Variants in TICRR observed in about 807,000 individuals in gnomAD.
TICRR encodes the protein treslin.
TICRR carries 132 observed loss-of-function variants against 178.1 expected under a neutral mutation model. That is an observed-to-expected ratio of 0.74 (90% confidence interval 0.64 to 0.86). The LOEUF is 0.86. TICRR is among the 40% of genes least tolerant of loss of function. TICRR has a pLI of 0.00. For synonymous variants in TICRR, 991 were observed against 900.7 expected (o/e 1.10, Z -1.79); for missense variants, 2,587 against 2,334.3 (o/e 1.11, Z -2.23).
rs1293172135 is a variant in TICRR, at chr15:89,575,887, C to T, written c.301C>T (p.His101Tyr). ...PGPAPRATHT[H>Y]GALMETLLDY... is the part of the protein sequence containing the mutation. ...CCCGGCGCCCAGGGCCACCCACACG[C>T]ACGGCGCCCTGATGGAGACGCTGCT... Residue 101 changes from histidine (H) to tyrosine (Y), a missense_variant, in exon 1 of 22, where the codon CAC becomes TAC. Coordinates refer to ENST00000268138, the MANE Select transcript of TICRR (RefSeq NM_152259.4). The T allele has an allele frequency of 1.9e-5, 30 of 1,587,496 alleles. No homozygotes were observed. Among genetic ancestry groups the T allele is most frequent in the Non-Finnish European group, 2.6e-5 (30 of 1,169,390 alleles).
At chr15:89,601,027 C>T (rs550328796) in intron 9 of TICRR, among the ~76,000 whole-genome samples, 1 of 102,150 alleles carries the variant, frequency 9.8e-6, no homozygotes, top group Non-Finnish European at 1.8e-5. Context: ...GCCTGGGCAA[C>T]AGAGCAAGAC....
intron 15 of TICRR, among the ~76,000 whole-genome samples, chr15:89,612,160 A>G (rs1287574755): frequency 6.6e-6 from 1 of 151,892 alleles, no homozygotes; most frequent in Non-Finnish European, 1.5e-5. Context: ...GATCTCAGCT[A>G]TTCATTTGTG....
intron 1 of TICRR, among the ~76,000 whole-genome samples, chr15:89,578,531 A>T (rs1031944722): frequency 1.3e-5 from 2 of 152,216 alleles, no homozygotes; most frequent in Non-Finnish European, 2.9e-5. Flanking sequence ...GAAACAATTG[A>T]TATCACATCA....
At position 89,592,054 on chromosome 15, in the gene TICRR, T is replaced by G. The variant is rs1438372975; in HGVS notation, c.1419T>G (p.Pro473=). ...GCTCCTTTGCTCCAATAGCTTCTCC[T>G]GTTCCAGAGTGGGCCCAGCAGGAGC... The part of the protein sequence containing the change: ...SLADTASAAS[P]VPEWAQQELG... Residue 473 remains proline, a synonymous_variant, in exon 5 of 22, where the codon CCT becomes CCG. Coordinates refer to ENST00000268138, the MANE Select transcript of TICRR (RefSeq NM_152259.4). 5.0e-6 allele frequency: 8 copies of G among 1,609,336 alleles called. No individual in the cohort carries two copies. Among genetic ancestry groups the G allele is most frequent in the South Asian group, 3.3e-5 (3 of 90,806 alleles).
At chr15:89,620,106 T>C (rs975686153) in intron 18 of TICRR, among the ~76,000 whole-genome samples, 1 of 152,200 alleles carries the variant, frequency 6.6e-6, no homozygotes, top group Non-Finnish European at 1.5e-5. Context: ...TAATTTCCCA[T>C]AAGGACAGAA....
In TICRR at chr15:89,576,207, C is replaced by T. The variant is rs768593431; in HGVS notation, c.621C>T (p.Thr207=). ...AAGTCATGGTCGCCCGAAAAATCAC[C>T]TTCTACTGGGTGGATACCACCGAAT... ...VREVMVARKI[T]FYWVDTTEWS... is the part of the protein sequence containing the mutation. Residue 207 remains threonine (T), a synonymous_variant, in exon 1 of 22, where the codon ACC becomes ACT. Coordinates refer to ENST00000268138, the MANE Select transcript of TICRR (RefSeq NM_152259.4). The T allele has an allele frequency of 5.6e-6, 9 of 1,594,812 alleles. No homozygotes were observed. Among genetic ancestry groups the T allele is most frequent in the South Asian group, 4.4e-5 (4 of 90,230 alleles).
Position 89,627,143 on chromosome 15 carries a change from A to G in TICRR, c.*57A>G. ...GAGTCAGCCAGGACCCTGTGGACAT[A>G]AAGAAGTTGGATGCCTGGTCCCAAG... On this transcript the variant is annotated 3_prime_UTR_variant, in exon 22 of 22. Transcript: ENST00000268138. 3 of 1,603,414 alleles carry G rather than the reference A, an allele frequency of 1.9e-6. No homozygotes were observed. In the South Asian group the frequency reaches 3.3e-5, roughly 18 times the overall value.
chr15:89,604,645 C>G (rs923018582), intron 13 of TICRR, among the ~76,000 whole-genome samples: 2 of 151,922 alleles, frequency 1.3e-5, no homozygotes, highest in African/African-American at 4.8e-5. Context: ...GTGGTGCACT[C>G]CTGTAGTCCC....
chr15:89,626,034 C>T lies in TICRR; in HGVS notation c.5575C>T (p.Pro1859Ser), dbSNP rs140192244. The T allele has an allele frequency of 3.1e-6, 5 of 1,613,968 alleles. No individual in the cohort carries two copies. Among genetic ancestry groups the T allele is most frequent in the South Asian group, 1.1e-5 (1 of 91,068 alleles). ...QSPLLFQGKTPSSQSKDPRDE... is the reference protein window; with the variant it reads ...QSPLLFQGKTSSSQSKDPRDE... ...TCCGCTGCTGTTCCAGGGGAAAACA[C>T]CTTCCTCTCAGAGCAAAGACCCCAG... The change falls in exon 21 of 22, where the codon CCT (proline) becomes TCT (serine). Residue 1859 changes from proline (P) to serine (S), a missense_variant. Physicochemically the swap from Pro to Ser is moderately conservative, Grantham distance 74 (BLOSUM62 -1). Transcript: ENST00000268138.
intron 5 of TICRR, 81 bp from the exon 6 acceptor site, chr15:89,594,334 T>C (rs1728124753): frequency 7.9e-7 from 1 of 1,259,534 alleles, no homozygotes; most frequent in East Asian, 2.5e-5. Context: ...TTTTAGAGGA[T>C]AGTGGGTATT....
intron 1 of TICRR, among the ~76,000 whole-genome samples, chr15:89,576,821 G>GTATATATA (rs369518649): frequency 1.1e-4 from 10 of 92,434 alleles, no homozygotes; most frequent in South Asian, 6.8e-4. Flanking sequence ...ATGTGTGTGT[G>GTATATATA]TATATATATA....
At chr15:89,616,273 C>A in intron 15 of TICRR, 132 bp from the exon 16 acceptor site, 1 of 682,740 alleles carries the variant, frequency 1.5e-6, no homozygotes. Context: ...TAGAACTTAG[C>A]CCAAAGACCA....
At position 89,624,741 on chromosome 15, in the gene TICRR, C is replaced by T; in HGVS notation, c.4431C>T (p.Asp1477=). The T allele has an allele frequency of 1.2e-6, 2 of 1,614,170 alleles. No homozygotes were observed. Among genetic ancestry groups the T allele is most frequent in the East Asian group, 4.5e-5 (2 of 44,876 alleles). The change falls in exon 20 of 22, where the codon GAC becomes GAT. Residue 1477 remains aspartate, a synonymous_variant. Transcript: ENST00000268138. ...AAGCCGAACACCATGGCATTGGTGA[C>T]TTGAAAAGTAACGTCTTATCAGTGG... The part of the protein sequence containing the change: ...LSEAEHHGIG[D]LKSNVLSVEE...
chr15:89,622,620 A>T (rs773204024), intron 19 of TICRR, among the ~76,000 whole-genome samples: 1 of 152,172 alleles, frequency 6.6e-6, no homozygotes, highest in Non-Finnish European at 1.5e-5. Context: ...TGAAAACCAT[A>T]GATCTACACA....
In TICRR at chr15:89,594,426, C is replaced by A; in HGVS notation, c.1553C>A (p.Ala518Asp). 6.2e-7 allele frequency: 1 copy of A among 1,611,484 alleles called. No individual in the cohort carries two copies. Among genetic ancestry groups the A allele is most frequent in the East Asian group, 2.2e-5 (1 of 44,808 alleles). ...DLMESFGLLQ[A>D]ASANKEESSK... ...TCTTGACTTCACAGGTTACTACAGG[C>A]TGCCTCAGCTAATAAGGAAGAGTCT... The change falls in exon 6 of 22, where the codon GCT (alanine) becomes GAT (aspartate). Residue 518 changes from alanine (A) to aspartate (D), a missense_variant. Physicochemically the swap from Ala to Asp is moderately radical, Grantham distance 126. Coordinates refer to ENST00000268138, the MANE Select transcript of TICRR (RefSeq NM_152259.4).
Position 89,627,247 on chromosome 15 carries a change from A to G in TICRR, c.*161A>G, listed in dbSNP as rs754970874. Reference sequence around the variant, plus strand: ...CTAATTCCCCTTATGGATCCAATCCATCTCCTGGCCCTGCCCCTTGTTGGG... The same window carrying G: ...CTAATTCCCCTTATGGATCCAATCCGTCTCCTGGCCCTGCCCCTTGTTGGG... On this transcript the variant is annotated 3_prime_UTR_variant, in exon 22 of 22. Coordinates refer to ENST00000268138, the MANE Select transcript of TICRR (RefSeq NM_152259.4). 3.4e-5 allele frequency: 28 copies of G among 815,580 alleles called. No individual in the cohort carries two copies. The highest frequency in any genetic ancestry group is 5.1e-5 in the Non-Finnish European group (27 of 534,160). 50.5% of individuals were successfully genotyped at this position (815,580 alleles called of 1,614,324 possible).
chr15:89,594,519 C>G lies in TICRR; in HGVS notation c.1646C>G (p.Ser549Cys). The change falls in exon 6 of 22, where the codon TCC becomes TGC. Residue 549 changes from serine (S) to cysteine (C), a missense_variant. Transcript: ENST00000268138. ...TACCAGAGAAAATCTCGTGAAGAAT[C>G]CACTATAGCTCATCAAGAAGACAGC... ...ELYQRKSREESTIAHQEDSKK... is the reference protein window; with the variant it reads ...ELYQRKSREECTIAHQEDSKK... 1 of 1,609,794 alleles carries G rather than the reference C, an allele frequency of 6.2e-7. No individual in the cohort carries two copies. The highest frequency in any genetic ancestry group is 1.3e-5 in the African/African-American group (1 of 74,970).
chr15:89,615,421 C>T (rs1466209304), intron 15 of TICRR, among the ~76,000 whole-genome samples: 2 of 152,130 alleles, frequency 1.3e-5, no homozygotes, highest in East Asian at 1.9e-4. Flanking sequence ...TTAAAGCTAC[C>T]GTAGGGCTAG....
intron 15 of TICRR, among the ~76,000 whole-genome samples, chr15:89,612,634 A>T (rs777771997): frequency 6.6e-6 from 1 of 152,208 alleles, no homozygotes; most frequent in African/African-American, 2.4e-5. Flanking sequence ...CAGGTGTTCA[A>T]TCAAGTTGCC....
Sources: gnomAD v4.1 joint callset for allele counts (sites outside exome capture counted in the v4.1 genomes callset) on GRCh38, gnomAD v4.1.1 for gene constraint, MANE v1.5 for transcripts, NCBI Gene and HGNC (gene_info 2026-07-23, HGNC 2026-07-21) for gene names.